The following AEBP2 variants were observed in gnomAD, a reference collection of about 807,000 sequenced individuals.
The protein encoded by AEBP2 is zinc finger protein AEBP2.
In AEBP2, 10 loss-of-function variants were observed where a neutral mutation model predicts 50.8. The ratio of observed to expected loss-of-function variants is 0.20; its 90% CI spans 0.12 to 0.33. AEBP2 has a LOEUF of 0.33. AEBP2 is among the 10% of genes least tolerant of loss of function. The pLI, the probability that AEBP2 is intolerant of heterozygous loss-of-function variation, is 1.00. For missense variants in AEBP2, 570 were observed against 688.0 expected (o/e 0.83, Z 1.92); for synonymous variants, 296 against 261.3 (o/e 1.13, Z -1.28).
chr12:19,440,008 C>A lies in AEBP2; in HGVS notation c.309C>A (p.Asp103Glu). ...AGGACGAAGACGAGGAGGAGGACGA[C>A]GAGGAGGAGGAAGATGAGAGCAGCA... Reference protein sequence around the residue: ...AGEDEDEEEDDEEEEDESSSS... With the variant: ...AGEDEDEEEDEEEEEDESSSS... The change falls in exon 1 of 8, where the codon GAC becomes GAA. Residue 103 changes from aspartate to glutamate, a missense_variant. This residue lies in a region of AEBP2 where 386 missense variants were observed against 336.8 expected (regional missense o/e 1.15). Coordinates refer to ENST00000266508, the MANE Select transcript of AEBP2 (RefSeq NM_153207.5). 1 of 1,520,148 alleles carries A rather than the reference C, an allele frequency of 6.6e-7. No individual in the cohort carries two copies. The highest frequency in any genetic ancestry group is 8.8e-7 in the Non-Finnish European group (1 of 1,140,188). The allele number at this position is 1,520,148 out of a possible 1,614,324, so 94.2% of individuals were successfully genotyped here.
intron 1 of AEBP2, among the ~76,000 whole-genome samples, chr12:19,406,766 G>T (rs2095736523): frequency 1.3e-5 from 2 of 151,982 alleles, no homozygotes; most frequent in Admixed American, 1.3e-4. Context: ...TCTAAAAAGT[G>T]ATCACCAAAT....
chr12:19,489,229 C>A (rs1050258632), intron 3 of AEBP2, among the ~76,000 whole-genome samples: 1 of 152,216 alleles, frequency 6.6e-6, no homozygotes, highest in Non-Finnish European at 1.5e-5. Context: ...TTAATTGACT[C>A]ACAGTTCTGC....
rs542365353 is a variant in AEBP2 at position 19,456,850 on chromosome 12, C to T, written c.672-5660C>T. The T allele has an allele frequency of 4.4e-4, 676 of 1,536,070 alleles. 1 individual carries two copies. Among genetic ancestry groups the T allele is most frequent in the Non-Finnish European group, 5.6e-4 (620 of 1,109,886 alleles). The stretch of plus-strand genomic sequence containing the variant: ...CCAGTCTCCACTCGGCCAACAGGAA[C>T]AGTACCAATACCACCAATTTTTGTA... On this transcript the variant is annotated intron_variant, in intron 1 of 7. Coordinates refer to ENST00000266508, the MANE Select transcript of AEBP2 (RefSeq NM_153207.5).
At chr12:19,505,122 C>T (rs1403270913) in intron 5 of AEBP2, among the ~76,000 whole-genome samples, 2 of 152,176 alleles carry the variant, frequency 1.3e-5, no homozygotes, top group Non-Finnish European at 2.9e-5. Context: ...AATATGGCTG[C>T]TCTGGGGACT....
chr12:19,440,706 T>TCA, intron 1 of AEBP2: 2 of 1,533,522 alleles, frequency 1.3e-6, no homozygotes, highest in South Asian at 2.4e-5. Flanking sequence ...AGGGCCTTGA[T>TCA]GTACACACGT....
intron 3 of AEBP2, among the ~76,000 whole-genome samples, chr12:19,479,098 A>G (rs1044864758): frequency 6.6e-6 from 1 of 152,156 alleles, no homozygotes. Context: ...AGTCCTAGCT[A>G]TGCGGGAGGC....
chr12:19,440,700 C>T, intron 1 of AEBP2: 1 of 1,533,478 alleles, frequency 6.5e-7, no homozygotes, highest in Middle Eastern at 2.3e-4. Flanking sequence ...CAGAAGAGGG[C>T]CTTGATGTAC....
chr12:19,481,508 G>A (rs1592754936), intron 3 of AEBP2, among the ~76,000 whole-genome samples: 1 of 149,970 alleles, frequency 6.7e-6, no homozygotes. Context: ...GTCTTGTTCT[G>A]TCACCCAGGC....
intron 5 of AEBP2, among the ~76,000 whole-genome samples, chr12:19,509,816 CTTTCTTTTTTTT>C (rs916358701): frequency 5.0e-5 from 6 of 121,066 alleles, no homozygotes; most frequent in African/African-American, 1.9e-4. Flanking sequence ...AACATGGCTA[CTTTCTTTTTTTT>C]TTTTTTTTTT....
chr12:19,502,158 A>G (rs965121979), intron 5 of AEBP2, among the ~76,000 whole-genome samples: 9 of 152,056 alleles, frequency 5.9e-5, no homozygotes, highest in Non-Finnish European at 1.3e-4. Context: ...CTTTTGAGAC[A>G]GAGTCTTGCT....
chr12:19,482,202 G>C (rs1475045165), intron 3 of AEBP2, among the ~76,000 whole-genome samples: 1 of 152,100 alleles, frequency 6.6e-6, no homozygotes, highest in Non-Finnish European at 1.5e-5. Flanking sequence ...CAGCAGCAGG[G>C]CTACTAGGCT....
upstream of AEBP2, among the ~76,000 whole-genome samples, chr12:19,438,480 C>CCTT (rs1947884335): frequency 6.6e-6 from 1 of 152,132 alleles, no homozygotes; most frequent in Non-Finnish European, 1.5e-5. Context: ...AAAAATCCAT[C>CCTT]CACTGAAGGT....
chr12:19,488,894 A>C (rs1266697649), intron 3 of AEBP2, among the ~76,000 whole-genome samples: 1 of 152,006 alleles, frequency 6.6e-6, no homozygotes, highest in African/African-American at 2.4e-5. Flanking sequence ...GGTTCAAGCT[A>C]TTCTCCTGCT....
chr12:19,435,800 C>T (rs973359957), upstream of AEBP2, among the ~76,000 whole-genome samples: 1 of 152,106 alleles, frequency 6.6e-6, no homozygotes, highest in African/African-American at 2.4e-5. Context: ...TGAAGCTTTC[C>T]TTGATTAACT....
chr12:19,417,004 T>C (rs1005525790), intron 1 of AEBP2, among the ~76,000 whole-genome samples: 1 of 151,800 alleles, frequency 6.6e-6, no homozygotes, highest in African/African-American at 2.4e-5. Flanking sequence ...CCTGAGTAGC[T>C]GAGACTACAG....
At chr12:19,479,560 T>G (rs897066581) in intron 3 of AEBP2, among the ~76,000 whole-genome samples, 4 of 147,100 alleles carry the variant, frequency 2.7e-5, no homozygotes, top group African/African-American at 9.8e-5. Flanking sequence ...ATTATTATTA[T>G]TTTACTGTGT....
intron 2 of AEBP2, among the ~76,000 whole-genome samples, chr12:19,469,192 C>G (rs1948533949): frequency 6.6e-6 from 1 of 152,166 alleles, no homozygotes; most frequent in Non-Finnish European, 1.5e-5. Flanking sequence ...TCTCAGAGTG[C>G]TGGGATTACA....
chr12:19,497,525 TG>T (rs1054048447), intron 4 of AEBP2, among the ~76,000 whole-genome samples: 63 of 152,164 alleles, frequency 4.1e-4, no homozygotes, highest in African/African-American at 1.5e-3. Flanking sequence ...GAGGCTGGAG[TG>T]CAGTGGTGCA....
At chr12:19,486,762 C>T (rs1457148644) in intron 3 of AEBP2, among the ~76,000 whole-genome samples, 2 of 152,026 alleles carry the variant, frequency 1.3e-5, no homozygotes, top group Non-Finnish European at 2.9e-5. Flanking sequence ...ATTCATTCCT[C>T]TTAACTATAT....
Sources: gnomAD v4.1 joint callset for allele counts (sites outside exome capture counted in the v4.1 genomes callset) on GRCh38, gnomAD v4.1.1 for gene constraint, gnomAD v4.1.1 regional missense constraint, MANE v1.5 for transcripts, NCBI Gene and HGNC (gene_info 2026-07-23, HGNC 2026-07-21) for gene names.